Variants in CDH4 observed in about 807,000 individuals in gnomAD.
CDH4 encodes cadherin 4.
Under a neutral mutation model 86.0 loss-of-function variants are expected in CDH4, and 33 were observed. The ratio of observed to expected loss-of-function variants is 0.38; its 90% CI spans 0.29 to 0.51. The LOEUF is 0.51. CDH4 is among the 20% of genes least tolerant of loss of function. The probability of loss-of-function intolerance (pLI) is 0.86; values close to 1 mark genes in which losing one functional copy is unlikely to be tolerated. For missense variants in CDH4, 1,114 were observed against 1,307.4 expected (o/e 0.85, Z 2.28); for synonymous variants, 555 against 549.4 (o/e 1.01, Z -0.14).
chr20:61,494,338 GA>G (rs1302539708), intron 2 of CDH4, among the ~76,000 whole-genome samples: 1 of 152,180 alleles, frequency 6.6e-6, no homozygotes, highest in Non-Finnish European at 1.5e-5. Flanking sequence ...AATAGACTTA[GA>G]AAATCATATG....
intron 4 of CDH4, among the ~76,000 whole-genome samples, chr20:61,778,913 C>T (rs1043472531): frequency 2.2e-4 from 34 of 152,286 alleles, no homozygotes; most frequent in South Asian, 1.2e-3. Flanking sequence ...AAGCACCATG[C>T]GGGCACTGGG....
Position 61,792,316 on chromosome 20 carries a change from G to A in CDH4, c.576+19134G>A, listed in dbSNP as rs569132907. On this transcript the variant is annotated intron_variant, in intron 4 of 15. Coordinates refer to ENST00000614565, the MANE Select transcript of CDH4 (RefSeq NM_001794.5). ...TCCCCACTGCTCAGGAGGTGCCCAC[G>A]TGTGGGGTGCCATGGGGATACTGTG... Among the ~76,000 whole-genome samples the A allele has an allele frequency of 4.6e-5, 7 of 152,256 alleles. No individual in the cohort carries two copies. In the East Asian group the frequency reaches 7.7e-4, roughly 17 times the overall value.
intron 2 of CDH4, among the ~76,000 whole-genome samples, chr20:61,317,294 T>G (rs1221795576): frequency 6.6e-6 from 1 of 152,152 alleles, no homozygotes; most frequent in African/African-American, 2.4e-5. Context: ...CACTGCAAGC[T>G]CCGCCTCCCG....
intron 8 of CDH4, among the ~76,000 whole-genome samples, chr20:61,900,183 G>A (rs1054514103): frequency 6.6e-6 from 1 of 152,176 alleles, no homozygotes; most frequent in Non-Finnish European, 1.5e-5. Context: ...CTGGCTGCGT[G>A]CCCACTCTGG....
Position 61,844,809 on chromosome 20 carries a change from C to A in CDH4, c.718C>A (p.His240Asn). The A allele has an allele frequency of 6.2e-7, 1 of 1,612,630 alleles. No individual in the cohort carries two copies. Among genetic ancestry groups the A allele is most frequent in the Non-Finnish European group, 8.5e-7 (1 of 1,179,098 alleles). Reference protein sequence around the residue: ...YVTRPMDREEHASYHLRAHAV... With the variant: ...YVTRPMDREENASYHLRAHAV... ...CACAAGGCCCATGGACCGGGAGGAG[C>A]ACGCCTCTTACCACGTGAGTGTCCA... Residue 240 changes from histidine to asparagine, a missense_variant, in exon 5 of 16, where the codon CAC becomes AAC. Around this residue, in one of 3 missense-constraint regions of CDH4, gnomAD observed 705 missense variants for 914.1 expected, o/e 0.77. Coordinates refer to ENST00000614565, the MANE Select transcript of CDH4 (RefSeq NM_001794.5).
At position 61,582,253 on chromosome 20, in the gene CDH4, G is replaced by A. The variant is rs527847645; in HGVS notation, c.170-161310G>A. On this transcript the variant is annotated intron_variant, in intron 2 of 15. Transcript: ENST00000614565. The surrounding 1 kb of genome is among the most constrained non-coding windows in gnomAD (Gnocchi z 4.2). The stretch of plus-strand genomic sequence containing the variant: ...CCCACCTCCAATCACAGAGGCACAC[G>A]CGGCTTTGCCCTTGATTTTTGAGAT... 1.9e-4 allele frequency among the ~76,000 whole-genome samples: 29 copies of A among 152,332 alleles called. No individual in the cohort carries two copies. The highest frequency in any genetic ancestry group is 1.7e-3 in the South Asian group (8 of 4,824).
At chr20:61,367,699 T>C (rs2084818515) in intron 2 of CDH4, among the ~76,000 whole-genome samples, 1 of 151,988 alleles carries the variant, frequency 6.6e-6, no homozygotes, top group Admixed American at 6.6e-5. Context: ...TGTCAGCTAA[T>C]CAATGAGAAG....
chr20:61,637,571 T>C (rs755493901), intron 2 of CDH4, among the ~76,000 whole-genome samples: 3 of 152,246 alleles, frequency 2.0e-5, no homozygotes, highest in Non-Finnish European at 4.4e-5. Context: ...TCTGTGAATT[T>C]CACCTTCCTT....
At chr20:61,402,142 C>T (rs1278195787) in intron 2 of CDH4, among the ~76,000 whole-genome samples, 4 of 152,184 alleles carry the variant, frequency 2.6e-5, no homozygotes. Flanking sequence ...ATACAGCCAT[C>T]TCTCAGTATC....
intron 2 of CDH4, among the ~76,000 whole-genome samples, chr20:61,458,602 G>T (rs1055106786): frequency 6.6e-6 from 1 of 151,426 alleles, no homozygotes; most frequent in African/African-American, 2.4e-5. Context: ...TAGTCATAAT[G>T]GTAATGGTAA....
chr20:61,727,329 C>T (rs2088127407), intron 2 of CDH4, among the ~76,000 whole-genome samples: 1 of 152,052 alleles, frequency 6.6e-6, no homozygotes, highest in African/African-American at 2.4e-5. Flanking sequence ...CCATCGGTGC[C>T]ATCATCGGTG....
At chr20:61,442,790 A>T (rs1011250877) in intron 2 of CDH4, among the ~76,000 whole-genome samples, 3 of 152,246 alleles carry the variant, frequency 2.0e-5, no homozygotes, top group Non-Finnish European at 4.4e-5. Context: ...CTGATAAAAA[A>T]ATACACACGT....
chr20:61,509,811 C>T (rs2085766925), intron 2 of CDH4, among the ~76,000 whole-genome samples: 1 of 152,074 alleles, frequency 6.6e-6, no homozygotes, highest in Admixed American at 6.5e-5. Flanking sequence ...ACTTGCCCCA[C>T]CGAAGTCTCA....
intron 4 of CDH4, among the ~76,000 whole-genome samples, chr20:61,785,911 C>T (rs987451614): frequency 6.6e-6 from 1 of 152,188 alleles, no homozygotes; most frequent in African/African-American, 2.4e-5. Flanking sequence ...AGGTTTCTTT[C>T]CTCCAAAGGA....
At chr20:61,763,297 C>T (rs1417696823) in intron 3 of CDH4, among the ~76,000 whole-genome samples, 1 of 152,142 alleles carries the variant, frequency 6.6e-6, no homozygotes, top group Non-Finnish European at 1.5e-5. Context: ...CAGATGGCCC[C>T]CCACAACTAA....
In CDH4 at chr20:61,544,860, A is replaced by G. The variant is rs562286526; in HGVS notation, c.170-198703A>G. Among the ~76,000 whole-genome samples, 1 of 152,088 alleles carries G rather than the reference A, an allele frequency of 6.6e-6. No individual in the cohort carries two copies. Among genetic ancestry groups the G allele is most frequent in the African/African-American group, 2.4e-5 (1 of 41,482 alleles). On this transcript the variant is annotated intron_variant, in intron 2 of 15. Transcript: ENST00000614565. This position sits in a 1 kb window ranked among gnomAD's most constrained non-coding sequence, Gnocchi z 6.5. ...AAAACTTGAGCTTTTAATTGAGGGGAGGGGGGATGCACTAGGGGGTCTTGG... is the reference window on the plus strand; with the variant it reads ...AAAACTTGAGCTTTTAATTGAGGGGGGGGGGGATGCACTAGGGGGTCTTGG...
chr20:61,258,347 A>AAAAAAAAAAAAAAAAAG (rs2084111910), intron 2 of CDH4, among the ~76,000 whole-genome samples: 1 of 109,920 alleles, frequency 9.1e-6, no homozygotes, highest in Non-Finnish European at 1.9e-5. Context: ...AAAAAAAAAG[A>AAAAAAAAAAAAAAAAAG]AAAAAAAAAA....
At chr20:61,859,710 T>C (rs1482186966) in intron 6 of CDH4, among the ~76,000 whole-genome samples, 1 of 152,244 alleles carries the variant, frequency 6.6e-6, no homozygotes, top group Non-Finnish European at 1.5e-5. Context: ...TTGGGCACAT[T>C]TGTGTGGGTC....
intron 8 of CDH4, among the ~76,000 whole-genome samples, chr20:61,904,330 C>T (rs2054764538): frequency 1.3e-5 from 2 of 152,172 alleles, no homozygotes; most frequent in South Asian, 4.1e-4. Context: ...GGTCACCAGG[C>T]AGCTGCTGGG....
Sources: gnomAD v4.1 joint callset for allele counts (sites outside exome capture counted in the v4.1 genomes callset) on GRCh38, gnomAD v4.1.1 for gene constraint, gnomAD v4.1.1 regional missense constraint, Gnocchi (gnomAD v3.1) non-coding constraint, MANE v1.5 for transcripts, NCBI Gene and HGNC (gene_info 2026-07-23, HGNC 2026-07-21) for gene names.